CHEK1: variants seen among roughly 807,000 people sequenced by gnomAD.
CHEK1 encodes the protein serine/threonine-protein kinase Chk1.
CHEK1 carries 32 observed loss-of-function variants against 60.2 expected under a neutral mutation model. The ratio of observed to expected loss-of-function variants is 0.53; its 90% CI spans 0.40 to 0.71. The LOEUF (loss-of-function observed/expected upper bound fraction) is 0.71, where lower values mean the gene tolerates loss of function less well. Ranked by LOEUF, CHEK1 falls within the 30% of genes least tolerant of loss-of-function variation. The pLI is 0.00. For synonymous variants in CHEK1, 179 were observed against 187.2 expected (o/e 0.96, Z 0.36); for missense variants, 399 against 564.6 (o/e 0.71, Z 2.97).
downstream of CHEK1, chr11:125,677,898 C>G: frequency 6.2e-7 from 1 of 1,614,082 alleles, no homozygotes; most frequent in Non-Finnish European, 8.5e-7. Flanking sequence ...AGGCTGTTCA[C>G]CGGAGCCATG....
chr11:125,663,678 A>G (rs1465866514), intron 13 of CHEK1, among the ~76,000 whole-genome samples: 1 of 152,086 alleles, frequency 6.6e-6, no homozygotes. Flanking sequence ...ATTAGATATC[A>G]TTTGTTAATT....
intron 8 of CHEK1, among the ~76,000 whole-genome samples, chr11:125,640,244 T>TGG (rs879762183): frequency 4.6e-5 from 7 of 152,178 alleles, no homozygotes; most frequent in Non-Finnish European, 1.0e-4. Context: ...AAACAATTCA[T>TGG]CAATTCATGG....
intron 6 of CHEK1, among the ~76,000 whole-genome samples, chr11:125,633,774 T>C (rs1257506592): frequency 6.6e-6 from 1 of 152,208 alleles, no homozygotes; most frequent in East Asian, 1.9e-4. Context: ...AGTATTTTAA[T>C]AGTGTCTTGA....
intron 11 of CHEK1, among the ~76,000 whole-genome samples, chr11:125,646,035 A>C (rs534036293): frequency 6.6e-6 from 1 of 152,112 alleles, no homozygotes; most frequent in Non-Finnish European, 1.5e-5. Context: ...AGTGCTTTTT[A>C]GTATATTCAC....
At chr11:125,635,264 C>G (rs1941025067) in intron 6 of CHEK1, among the ~76,000 whole-genome samples, 165 bp from the exon 7 acceptor site, 2 of 152,166 alleles carry the variant, frequency 1.3e-5, no homozygotes, top group Admixed American at 6.6e-5. Context: ...TATCCTGATT[C>G]ATCTATCTTT....
chr11:125,627,549 C>T lies in CHEK1; in HGVS notation c.66-58C>T. The T allele has an allele frequency of 2.8e-6, 4 of 1,428,410 alleles. No homozygotes were observed. In the African/African-American group the frequency reaches 5.8e-5, roughly 21 times the overall value. 88.5% of individuals were successfully genotyped at this position (1,428,410 alleles called of 1,614,324 possible). ...TCGTTTTGGATGAGTCATGTTTAAT[C>T]TTTGGAAGTTTTAGAAGAAATGGAA... On this transcript the variant is annotated intron_variant, in intron 2 of 12. Coordinates refer to ENST00000438015, the MANE Select transcript of CHEK1 (RefSeq NM_001114122.3).
chr11:125,672,534 C>A, intron 13 of CHEK1: 1 of 1,598,580 alleles, frequency 6.3e-7, no homozygotes, highest in Non-Finnish European at 8.5e-7. Flanking sequence ...TAAAATGAGC[C>A]AAATAGAGTG....
chr11:125,679,250 C>G (rs1204153956), downstream of CHEK1, among the ~76,000 whole-genome samples: 2 of 117,444 alleles, frequency 1.7e-5, no homozygotes, highest in East Asian at 4.8e-4. Context: ...TAGAGTCTCG[C>G]TCTGTTGCCC....
At chr11:125,677,871 G>A (rs747623119), downstream of CHEK1, 24 of 1,613,750 alleles carry the variant, frequency 1.5e-5, no homozygotes, top group African/African-American at 8.0e-5. Context: ...CTGTTCACCC[G>A]AGGCCTGCTC....
intron 8 of CHEK1, chr11:125,642,928 T>G (rs1291098668): frequency 1.3e-5 from 2 of 152,120 alleles, no homozygotes; most frequent in South Asian, 2.1e-4. Context: ...GAAAGGAAAC[T>G]AGAGAAACAA....
chr11:125,633,016 CTTTTT>C lies in CHEK1; in HGVS notation c.425-146_425-142del, dbSNP rs1940926174. The C allele has an allele frequency of 8.3e-6, 5 of 605,494 alleles. No individual in the cohort carries two copies. The South Asian group carries it at 1.3e-4, about 16-fold the overall frequency. The allele number at this position is 605,494 out of a possible 1,614,324, so 37.5% of individuals were successfully genotyped here. A position where few individuals can be genotyped will look rare whatever the true frequency, so the allele number is the denominator to read the frequency against. ...TGATTTATTTTATTTTTTTAAATTTCTTTTTGTCTATTTTGCTTATTTTAAGAGAA... is the reference window on the plus strand; with the variant it reads ...TGATTTATTTTATTTTTTTAAATTTCGTCTATTTTGCTTATTTTAAGAGAA... On this transcript the variant is annotated intron_variant, in intron 5 of 12. Coordinates refer to ENST00000438015, the MANE Select transcript of CHEK1 (RefSeq NM_001114122.3).
In CHEK1 at chr11:125,653,166, G is replaced by C. The variant is rs117428003; in HGVS notation, c.1234-580G>C. 0.047 allele frequency among the ~76,000 whole-genome samples: 7,168 copies of C among 152,180 alleles called. 214 individuals are homozygous for C. The highest frequency in any genetic ancestry group is 0.088 in the Middle Eastern group (26 of 294). ...TTTCATTCCTTTATATGGCTGAGTA[G>C]TATTTCATTGTGTATATATATCATA... On this transcript the variant is annotated intron_variant, in intron 11 of 12. Coordinates refer to ENST00000438015, the MANE Select transcript of CHEK1 (RefSeq NM_001114122.3). The surrounding 1 kb of genome is among the most constrained non-coding windows in gnomAD (Gnocchi z 4.3).
chr11:125,665,865 TC>T (rs1256575972), intron 13 of CHEK1, among the ~76,000 whole-genome samples: 4 of 138,824 alleles, frequency 2.9e-5, no homozygotes, highest in African/African-American at 1.1e-4. Flanking sequence ...GGGTCTTCAT[TC>T]CCCTTTTTTT....
rs542253446 is a variant in CHEK1, at chr11:125,673,980, GA to G, written c.*28-1945del. On this transcript the variant is annotated intron_variant, in intron 13 of 13. Coordinates refer to the CHEK1 transcript ENST00000428830. Reference sequence around the variant, plus strand: ...TCAAGACCAGCCTGGCCAAAATGGTGAAACACTGTCCCTGCTAAAAATACAG... The same window carrying G: ...TCAAGACCAGCCTGGCCAAAATGGTGAACACTGTCCCTGCTAAAAATACAG... Among the ~76,000 whole-genome samples the G allele has an allele frequency of 7.9e-5, 12 of 152,260 alleles. 1 individual carries two copies. The South Asian group carries it at 2.5e-3, about 32-fold the overall frequency.
chr11:125,672,315 G>A, intron 13 of CHEK1: 1 of 293,936 alleles, frequency 3.4e-6, no homozygotes, highest in Non-Finnish European at 6.3e-6. Flanking sequence ...GGGAAAAAAA[G>A]GTCTGTCTTG....
intron 6 of CHEK1, among the ~76,000 whole-genome samples, chr11:125,635,004 C>CTGCA (rs1420647112): frequency 1.3e-5 from 2 of 151,494 alleles, no homozygotes; most frequent in Non-Finnish European, 2.9e-5. Context: ...GTCGCCCAGG[C>CTGCA]TGCAGTGCAG....
rs370089409 is a variant in CHEK1 at position 125,663,099 on chromosome 11, G to A, written c.*27+7752G>A. 4.0e-5 allele frequency among the ~76,000 whole-genome samples: 6 copies of A among 150,404 alleles called. No individual in the cohort carries two copies. In the East Asian group the frequency reaches 7.8e-4, roughly 20 times the overall value. ...AGTTTTTAAAGCTACTTATGTAGTC[G>A]AGATACTAGTCCTTTGTCAAATATG... is the stretch of plus-strand genomic sequence containing the variant. On this transcript the variant is annotated intron_variant, in intron 13 of 13. Transcript: ENST00000428830.
intron 1 of CHEK1, chr11:125,626,232 A>G (rs1940595332): frequency 3.5e-6 from 2 of 575,456 alleles, no homozygotes; most frequent in Non-Finnish European, 6.2e-6. Flanking sequence ...GCTAGCTAAG[A>G]ACCCCAAGGA....
At chr11:125,627,084 C>T (rs1940647078) in intron 2 of CHEK1, among the ~76,000 whole-genome samples, 1 of 152,056 alleles carries the variant, frequency 6.6e-6, no homozygotes, top group South Asian at 2.1e-4. Context: ...TTAAGCATTG[C>T]GGTTAATGAG....
Sources: allele counts gnomAD v4.1 joint callset (sites outside exome capture counted in the v4.1 genomes callset), GRCh38; gene constraint gnomAD v4.1.1; non-coding constraint Gnocchi (gnomAD v3.1); transcripts MANE v1.5; gene names NCBI Gene and HGNC (gene_info 2026-07-23, HGNC 2026-07-21).